Variants in RAPGEF5 observed in about 807,000 individuals in gnomAD.
The protein encoded by RAPGEF5 is Rap guanine nucleotide exchange factor 5, also known as M-Ras-regulated GEF.
RAPGEF5 carries 65 observed loss-of-function variants against 125.2 expected under a neutral mutation model. The ratio of observed to expected loss-of-function variants is 0.52; its 90% confidence interval spans 0.43 to 0.64. The LOEUF is 0.64. RAPGEF5 is among the 30% of genes least tolerant of loss of function. RAPGEF5 has a pLI of 0.00. For synonymous variants in RAPGEF5, 391 were observed against 385.9 expected (o/e 1.01, Z -0.16); for missense variants, 958 against 1,048.1 (o/e 0.91, Z 1.19).
rs1437215459 is a variant in RAPGEF5 at position 22,119,259 on chromosome 7, T to C, written c.*3147A>G. 1 of 152,194 alleles carries C rather than the reference T, an allele frequency of 6.6e-6. No homozygotes were observed. The highest frequency in any genetic ancestry group is 2.1e-4 in the South Asian group (1 of 4,828). The allele number at this position is 152,194 out of a possible 1,614,324, so 9.4% of individuals were successfully genotyped here. ...AAGTATATATTCATGCAGCATCCTC[T>C]CCCTGTGGACTAGGCAGTGTGAGCA... On this transcript the variant is annotated 3_prime_UTR_variant, in exon 26 of 26. Transcript: ENST00000665637. The surrounding 1 kb of genome is among the most constrained non-coding windows in gnomAD (Gnocchi z 4.1).
intron 1 of RAPGEF5, among the ~76,000 whole-genome samples, chr7:22,333,066 T>C (rs1352524088): frequency 6.6e-6 from 1 of 152,228 alleles, no homozygotes; most frequent in Non-Finnish European, 1.5e-5. Flanking sequence ...AGATCAACTC[T>C]GAGCTCATTA....
intron 20 of RAPGEF5, among the ~76,000 whole-genome samples, chr7:22,144,802 T>C (rs1407797842): frequency 6.6e-6 from 1 of 152,230 alleles, no homozygotes; most frequent in Non-Finnish European, 1.5e-5. Context: ...TGCCTGCTTA[T>C]TAGTGCTGAG....
intron 18 of RAPGEF5, among the ~76,000 whole-genome samples, chr7:22,147,498 C>T (rs1258944399): frequency 6.6e-6 from 1 of 152,204 alleles, no homozygotes; most frequent in Non-Finnish European, 1.5e-5. Context: ...CACATTTACA[C>T]ATTTTATTAA....
chr7:22,288,123 T>C (rs923277951), intron 6 of RAPGEF5, among the ~76,000 whole-genome samples: 1 of 152,210 alleles, frequency 6.6e-6, no homozygotes, highest in Non-Finnish European at 1.5e-5. Flanking sequence ...TGCCCATTCC[T>C]TCCTTTTCAG....
intron 7 of RAPGEF5, among the ~76,000 whole-genome samples, chr7:22,264,706 T>A (rs1178027843): frequency 3.9e-5 from 6 of 152,134 alleles, no homozygotes; most frequent in Admixed American, 2.6e-4. Context: ...AATCTCTAAA[T>A]CAGAGGCTTT....
At chr7:22,220,745 C>T (rs890038603) in intron 8 of RAPGEF5, among the ~76,000 whole-genome samples, 4 of 151,536 alleles carry the variant, frequency 2.6e-5, no homozygotes, top group African/African-American at 7.3e-5. Context: ...TTCTAACACA[C>T]TAATTATGAA....
At chr7:22,300,392 G>A (rs7781803) in intron 5 of RAPGEF5, among the ~76,000 whole-genome samples, 2,510 of 152,254 alleles carry the variant, frequency 0.016, 62 homozygotes, top group African/African-American at 0.057. Context: ...TAAAATAGCT[G>A]TTATCAAGTC....
chr7:22,162,643 T>A, intron 12 of RAPGEF5, 102 bp from the exon 13 acceptor site: 1 of 1,147,470 alleles, frequency 8.7e-7, no homozygotes, highest in Non-Finnish European at 1.2e-6. Flanking sequence ...TACAAGTGTA[T>A]AAACATGCAG....
At chr7:22,268,988 G>T (rs1012161694) in intron 6 of RAPGEF5, among the ~76,000 whole-genome samples, 11 of 152,212 alleles carry the variant, frequency 7.2e-5, no homozygotes, top group Admixed American at 3.3e-4. Context: ...GACAGGCAGT[G>T]AGAAAGGCAT....
At chr7:22,255,489 A>C (rs1786737074) in intron 7 of RAPGEF5, among the ~76,000 whole-genome samples, 1 of 152,042 alleles carries the variant, frequency 6.6e-6, no homozygotes, top group African/African-American at 2.4e-5. Flanking sequence ...GTGACTTGGG[A>C]GGCTGAGGTG....
At chr7:22,161,231 C>A (rs866013526) in intron 13 of RAPGEF5, among the ~76,000 whole-genome samples, 2 of 151,490 alleles carry the variant, frequency 1.3e-5, no homozygotes, top group Non-Finnish European at 2.9e-5. Flanking sequence ...AATAAGTAAA[C>A]AAATAAATAA....
At chr7:22,158,854 A>T (rs958422659) in intron 14 of RAPGEF5, among the ~76,000 whole-genome samples, 1 of 152,180 alleles carries the variant, frequency 6.6e-6, no homozygotes, top group Non-Finnish European at 1.5e-5. Flanking sequence ...TTAAACTCCT[A>T]AACTCTTGGA....
At position 22,258,624 on chromosome 7, in the gene RAPGEF5, C is replaced by CAAAA. The variant is rs34352575; in HGVS notation, c.796+8336_796+8339dup. Among the ~76,000 whole-genome samples, 281 of 45,764 alleles carry CAAAA rather than the reference C, an allele frequency of 6.1e-3. 5 individuals carry two copies. Among genetic ancestry groups the CAAAA allele is most frequent in the African/African-American group, 0.016 (178 of 11,264 alleles). The allele number at this position is 45,764 out of a possible 152,430, so 30.0% of individuals were successfully genotyped here. A position where few individuals can be genotyped will look rare whatever the true frequency, so the allele number is the denominator to read the frequency against. On this transcript the variant is annotated intron_variant, in intron 7 of 25. Transcript: ENST00000665637. ...GGGCAACAAGAGCGAAACTCCGTCTCAAAAAAAAAAAAAAAAAAAAAAAAA... is the reference window on the plus strand; with the variant it reads ...GGGCAACAAGAGCGAAACTCCGTCTCAAAAAAAAAAAAAAAAAAAAAAAAAAAAA...
intron 7 of RAPGEF5, among the ~76,000 whole-genome samples, chr7:22,262,717 G>A (rs1302691524): frequency 7.3e-6 from 1 of 136,646 alleles, no homozygotes; most frequent in Non-Finnish European, 1.6e-5. Flanking sequence ...AAAGTATTAT[G>A]GTACATTCAT....
At chr7:22,140,619 G>A (rs529099682) in intron 20 of RAPGEF5, among the ~76,000 whole-genome samples, 3 of 152,100 alleles carry the variant, frequency 2.0e-5, no homozygotes, top group Non-Finnish European at 4.4e-5. Context: ...TTTTAAATAC[G>A]GCATATATTA....
chr7:22,234,796 C>T (rs1272587467), intron 7 of RAPGEF5, among the ~76,000 whole-genome samples: 1 of 151,820 alleles, frequency 6.6e-6, no homozygotes, highest in Admixed American at 6.6e-5. Context: ...CTCCCCAGGA[C>T]TTACTAGGAT....
In RAPGEF5 at chr7:22,121,522, G is replaced by A. The variant is rs564895198; in HGVS notation, c.*884C>T. Reference sequence around the variant, plus strand: ...CAGGCACAAGAATGCAGACTTTTGTGACTCTGTCACCTCAGCAAGCAGTTG... The same window carrying A: ...CAGGCACAAGAATGCAGACTTTTGTAACTCTGTCACCTCAGCAAGCAGTTG... On this transcript the variant is annotated 3_prime_UTR_variant, in exon 26 of 26. Coordinates refer to ENST00000665637, the MANE Select transcript of RAPGEF5 (RefSeq NM_012294.5). The A allele has an allele frequency of 1.3e-5, 2 of 152,174 alleles. No homozygotes were observed. The highest frequency in any genetic ancestry group is 4.8e-5 in the African/African-American group (2 of 41,444). The allele number at this position is 152,174 out of a possible 1,614,324, so 9.4% of individuals were successfully genotyped here. A position where few individuals can be genotyped will look rare whatever the true frequency, so the allele number is the denominator to read the frequency against.
chr7:22,150,329 T>C (rs1002023346), intron 18 of RAPGEF5, 78 bp downstream of exon 18: 1 of 1,445,544 alleles, frequency 6.9e-7, no homozygotes, highest in Non-Finnish European at 9.4e-7. Flanking sequence ...TGCCTTGGCC[T>C]CCCAAAGTGC....
chr7:22,210,461 A>G (rs901875710), intron 9 of RAPGEF5, among the ~76,000 whole-genome samples: 2 of 152,182 alleles, frequency 1.3e-5, no homozygotes, highest in Non-Finnish European at 2.9e-5. Context: ...TTACCTTGAC[A>G]CATTCCACCC....
Sources: allele counts gnomAD v4.1 joint callset (sites outside exome capture counted in the v4.1 genomes callset), GRCh38; gene constraint gnomAD v4.1.1; non-coding constraint Gnocchi (gnomAD v3.1); transcripts MANE v1.5; gene names NCBI Gene and HGNC (gene_info 2026-07-23, HGNC 2026-07-21).